The following GRM8 variants were observed in gnomAD, a reference collection of about 807,000 sequenced individuals.
The protein encoded by GRM8 is glutamate metabotropic receptor 8, also known as metabotropic glutamate receptor 8.
Under a neutral mutation model 87.2 loss-of-function variants are expected in GRM8, and 47 were observed. That is an observed-to-expected ratio of 0.54 (90% CI 0.43 to 0.69). The LOEUF (loss-of-function observed/expected upper bound fraction) is 0.69. Among genes scored for constraint, GRM8 ranks in the 30% least tolerant of loss-of-function variants. The pLI is 0.00. For missense variants in GRM8, 1,019 were observed against 1,139.2 expected, an observed-to-expected ratio of 0.89 and a Z score of 1.52; for synonymous variants, 396 against 404.5, an observed-to-expected ratio of 0.98 and a Z score of 0.25.
chr7:126,718,361 T>C (rs141367555), intron 7 of GRM8, among the ~76,000 whole-genome samples: 200 of 152,338 alleles, frequency 1.3e-3, no homozygotes, highest in African/African-American at 4.7e-3. Context: ...AGAGTGTTTA[T>C]ACCTGACTAT....
intron 6 of GRM8, among the ~76,000 whole-genome samples, chr7:126,883,330 T>C (rs984073143): frequency 3.9e-5 from 6 of 152,212 alleles, no homozygotes; most frequent in African/African-American, 1.2e-4. Context: ...TTCTTCTATT[T>C]TGATGCTAGA....
chr7:126,988,540 T>C (rs1295506197), intron 3 of GRM8, among the ~76,000 whole-genome samples: 1 of 152,228 alleles, frequency 6.6e-6, no homozygotes, highest in African/African-American at 2.4e-5. Flanking sequence ...TTATTAATTA[T>C]GTGCCTATTA....
chr7:126,570,524 GA>G (rs1159877502), intron 8 of GRM8, among the ~76,000 whole-genome samples: 2 of 152,184 alleles, frequency 1.3e-5, no homozygotes, highest in African/African-American at 4.8e-5. Flanking sequence ...CCACTGACAA[GA>G]AGTCTCTAAA....
At chr7:126,925,200 T>C (rs1804964252) in intron 3 of GRM8, among the ~76,000 whole-genome samples, 1 of 152,224 alleles carries the variant, frequency 6.6e-6, no homozygotes, top group Admixed American at 6.5e-5. Context: ...TGCAGAATAG[T>C]TAGCATTCAA....
rs908212083 is a variant in GRM8, at chr7:126,902,191, A to G, written c.1156+351T>C. ...GTCTTATAGCAACTTATCATGATAC[A>G]TATTACATTTTGAACCCCTGGAGAG... On this transcript the variant is annotated intron_variant, in intron 6 of 10. Transcript: ENST00000339582. Among the ~76,000 whole-genome samples, 7 of 152,346 alleles carry G rather than the reference A, an allele frequency of 4.6e-5. No homozygotes were observed. In the East Asian group the frequency reaches 1.3e-3, roughly 29 times the overall value.
intron 7 of GRM8, among the ~76,000 whole-genome samples, chr7:126,628,072 C>T (rs1284899188): frequency 6.6e-6 from 1 of 151,958 alleles, no homozygotes; most frequent in East Asian, 1.9e-4. Flanking sequence ...CGAGACACAG[C>T]CTCGCTCTGT....
intron 9 of GRM8, among the ~76,000 whole-genome samples, chr7:126,472,806 C>G (rs1177992960): frequency 6.6e-6 from 1 of 152,168 alleles, no homozygotes; most frequent in Admixed American, 6.5e-5. Context: ...CTGCTTCGTG[C>G]AGTCTCGGGA....
chr7:126,963,860 C>T (rs931792282), intron 3 of GRM8, among the ~76,000 whole-genome samples: 2 of 152,144 alleles, frequency 1.3e-5, no homozygotes, highest in Admixed American at 6.5e-5. Flanking sequence ...ATAGCCAAGA[C>T]AATCCAAAGC....
chr7:127,166,362 A>G (rs1793453141), intron 2 of GRM8, among the ~76,000 whole-genome samples: 2 of 152,186 alleles, frequency 1.3e-5, no homozygotes, highest in African/African-American at 2.4e-5. Flanking sequence ...AATTCTTAAG[A>G]TTAAGGAATT....
At chr7:127,133,758 A>AT (rs1315957991) in intron 2 of GRM8, among the ~76,000 whole-genome samples, 1 of 150,976 alleles carries the variant, frequency 6.6e-6, no homozygotes, top group African/African-American at 2.4e-5. Context: ...ATAAACTGGC[A>AT]TTTTTTCACC....
chr7:126,974,587 T>C (rs1810764131), intron 3 of GRM8, among the ~76,000 whole-genome samples: 1 of 152,136 alleles, frequency 6.6e-6, no homozygotes, highest in Non-Finnish European at 1.5e-5. Context: ...GCTGGAGATA[T>C]AAGTGTGGGC....
chr7:126,888,656 T>C, intron 6 of GRM8, among the ~76,000 whole-genome samples: 1 of 152,100 alleles, frequency 6.6e-6, no homozygotes, highest in East Asian at 1.9e-4. Flanking sequence ...GGATCTCTGT[T>C]GGCAAAGAAC....
intron 7 of GRM8, among the ~76,000 whole-genome samples, chr7:126,727,311 A>G (rs1813104375): frequency 6.6e-6 from 1 of 152,070 alleles, no homozygotes; most frequent in Non-Finnish European, 1.5e-5. Flanking sequence ...ACATTCATAT[A>G]TTAATACATG....
intron 3 of GRM8, among the ~76,000 whole-genome samples, chr7:126,944,120 A>G (rs1807270732): frequency 6.6e-6 from 1 of 152,240 alleles, no homozygotes. Context: ...TCAGATGTTA[A>G]GCCTGTCCAG....
intron 2 of GRM8, among the ~76,000 whole-genome samples, chr7:127,227,455 A>G (rs908118698): frequency 6.6e-6 from 1 of 152,214 alleles, no homozygotes; most frequent in Non-Finnish European, 1.5e-5. Context: ...AGCTTAATAT[A>G]AATATGTTCA....
intron 6 of GRM8, among the ~76,000 whole-genome samples, chr7:126,815,394 C>A (rs1272959345): frequency 6.6e-6 from 1 of 152,096 alleles, no homozygotes; most frequent in Non-Finnish European, 1.5e-5. Context: ...CACCAGAAAT[C>A]GTATACATAG....
intron 6 of GRM8, among the ~76,000 whole-genome samples, chr7:126,851,645 C>A (rs1445340964): frequency 6.6e-6 from 1 of 152,098 alleles, no homozygotes; most frequent in Non-Finnish European, 1.5e-5. Context: ...AGGGCCTTTG[C>A]AATGGTCTTC....
chr7:127,239,329 G>C (rs1184934722), intron 2 of GRM8, among the ~76,000 whole-genome samples: 1 of 152,190 alleles, frequency 6.6e-6, no homozygotes, highest in Non-Finnish European at 1.5e-5. Context: ...CAGTGAGTAA[G>C]TTCATGAATT....
intron 9 of GRM8, among the ~76,000 whole-genome samples, chr7:126,487,651 T>C (rs1807535000): frequency 6.6e-6 from 1 of 151,976 alleles, no homozygotes; most frequent in South Asian, 2.1e-4. Flanking sequence ...GATGATTTCC[T>C]AATATCATAC....
Sources: gnomAD v4.1 joint callset for allele counts (sites outside exome capture counted in the v4.1 genomes callset) on GRCh38, gnomAD v4.1.1 for gene constraint, MANE v1.5 for transcripts, NCBI Gene and HGNC (gene_info 2026-07-23, HGNC 2026-07-21) for gene names.